NRG1: variants seen among roughly 807,000 people sequenced by gnomAD.
NRG1 encodes pro-neuregulin-1, membrane-bound isoform.
In NRG1, 18 loss-of-function variants were observed where a neutral mutation model predicts 63.8. The ratio of observed to expected loss-of-function variants is 0.28; its 90% CI spans 0.19 to 0.42. NRG1 has a LOEUF of 0.42. Ranked by LOEUF, NRG1 falls within the 10% of genes least tolerant of loss-of-function variation. The pLI, the probability that NRG1 is intolerant of heterozygous loss-of-function variation, is 1.00. For missense variants in NRG1, 762 were observed against 814.7 expected (o/e 0.94, Z 0.79); for synonymous variants, 302 against 301.3 (o/e 1.00, Z -0.02).
At chr8:31,730,037 A>G (rs1246081095) in intron 1 of NRG1, among the ~76,000 whole-genome samples, 6 of 152,136 alleles carry the variant, frequency 3.9e-5, no homozygotes, top group Admixed American at 2.6e-4. Flanking sequence ...ATGCCCCTTA[A>G]GTAGTTAGAT....
chr8:32,481,070 G>T (rs1476740243), intron 1 of NRG1, among the ~76,000 whole-genome samples: 1 of 152,132 alleles, frequency 6.6e-6, no homozygotes, highest in Non-Finnish European at 1.5e-5. Context: ...TAGGCCAGGC[G>T]CAGTGGCTGA....
intron 1 of NRG1, among the ~76,000 whole-genome samples, chr8:32,574,419 T>G (rs1273089944): frequency 6.6e-6 from 1 of 152,104 alleles, no homozygotes; most frequent in Non-Finnish European, 1.5e-5. Context: ...GTGGTATAGT[T>G]TGTATATTTT....
intron 5 of NRG1, among the ~76,000 whole-genome samples, chr8:32,671,086 T>A (rs984048836): frequency 4.6e-5 from 7 of 151,770 alleles, no homozygotes; most frequent in African/African-American, 1.7e-4. Flanking sequence ...ATTATTATTC[T>A]TTTTCTCAAG....
rs1805994564 is a variant in NRG1 at position 31,964,493 on chromosome 8, C to T, written c.37+325062C>T. ...TAGACCAGCCTGGTGAGACCTTTAT[C>T]TCTACAAAAATAAAATTAAAAACTA... On this transcript the variant is annotated intron_variant, in intron 1 of 10. Transcript: ENST00000519301. 3.3e-5 allele frequency among the ~76,000 whole-genome samples: 5 copies of T among 152,224 alleles called. No homozygotes were observed. The South Asian group carries it at 1.0e-3, about 32-fold the overall frequency.
chr8:31,683,276 A>G (rs1476817535), intron 1 of NRG1, among the ~76,000 whole-genome samples: 2 of 152,164 alleles, frequency 1.3e-5, no homozygotes, highest in African/African-American at 2.4e-5. Context: ...GATTGTCAAA[A>G]CTTGGATGCA....
At chr8:32,604,414 T>C (rs1844906246) in intron 2 of NRG1, among the ~76,000 whole-genome samples, 1 of 152,110 alleles carries the variant, frequency 6.6e-6, no homozygotes, top group Admixed American at 6.6e-5. Context: ...GACCAGAAAA[T>C]TCACCAGAAA....
chr8:32,356,474 A>ACCCCCCCCCCCCCCCCCCGGCC (rs11426642), intron 1 of NRG1, among the ~76,000 whole-genome samples: 8 of 69,324 alleles, frequency 1.2e-4, no homozygotes, highest in African/African-American at 2.3e-4. Context: ...CCTTGTTGGG[A>ACCCCCCCCCCCCCCCCCCGGCC]CCCCCCCCCC....
intron 1 of NRG1, among the ~76,000 whole-genome samples, chr8:32,314,367 A>G (rs926299145): frequency 6.6e-6 from 1 of 152,194 alleles, no homozygotes; most frequent in South Asian, 2.1e-4. Flanking sequence ...TTTTACAGCT[A>G]GAAAAGTCTA....
intron 1 of NRG1, among the ~76,000 whole-genome samples, chr8:31,774,930 A>C (rs1025417579): frequency 3.9e-5 from 6 of 152,150 alleles, no homozygotes; most frequent in Admixed American, 1.3e-4. Flanking sequence ...CACACACACA[A>C]AAAAACCCAA....
chr8:32,492,175 A>G (rs1439111736), intron 1 of NRG1, among the ~76,000 whole-genome samples: 2 of 152,138 alleles, frequency 1.3e-5, no homozygotes, highest in Admixed American at 6.5e-5. Context: ...GATTGTGTCT[A>G]TTATTCATCA....
At chr8:32,085,011 T>C (rs1388951786) in intron 1 of NRG1, among the ~76,000 whole-genome samples, 5 of 152,190 alleles carry the variant, frequency 3.3e-5, no homozygotes, top group Non-Finnish European at 5.9e-5. Context: ...CCAGTGACCT[T>C]TAGCACAACA....
At chr8:32,131,911 T>A (rs1015447546) in intron 1 of NRG1, among the ~76,000 whole-genome samples, 3 of 152,168 alleles carry the variant, frequency 2.0e-5, no homozygotes, top group African/African-American at 7.2e-5. Context: ...ATTCCTGGAT[T>A]TTTTTCCCTA....
At chr8:32,555,560 C>T (rs939120740) in intron 1 of NRG1, among the ~76,000 whole-genome samples, 2 of 152,202 alleles carry the variant, frequency 1.3e-5, no homozygotes, top group African/African-American at 4.8e-5. Flanking sequence ...CAAGCTCCGC[C>T]TCCCGGGTTC....
At chr8:32,757,584 A>G (rs1829914218) in intron 9 of NRG1, among the ~76,000 whole-genome samples, 1 of 152,170 alleles carries the variant, frequency 6.6e-6, no homozygotes, top group African/African-American at 2.4e-5. Context: ...TTCACCCTCT[A>G]ACAGTGTTCA....
intron 1 of NRG1, among the ~76,000 whole-genome samples, chr8:32,378,587 T>C (rs955457960): frequency 2.6e-5 from 4 of 152,214 alleles, no homozygotes; most frequent in African/African-American, 9.7e-5. Flanking sequence ...AGTACTTAAG[T>C]GCAAATTTTG....
chr8:31,869,951 C>T (rs1215062079), intron 1 of NRG1, among the ~76,000 whole-genome samples: 2 of 152,070 alleles, frequency 1.3e-5, no homozygotes, highest in Non-Finnish European at 2.9e-5. Flanking sequence ...TTTCTAAAAG[C>T]AGCAATACAA....
intron 5 of NRG1, among the ~76,000 whole-genome samples, chr8:32,691,342 G>A (rs1491000747): frequency 1.3e-5 from 2 of 152,156 alleles, no homozygotes; most frequent in African/African-American, 2.4e-5. Context: ...AACAGTGCCA[G>A]ACTCCGTCTC....
rs573034972 is a variant in NRG1, at chr8:32,405,965, G to A, written c.38-189863G>A. ...CATTGACAAGTGTTACAAAAAAGAC[G>A]CATAGAAAATAAAATATTTTAGGTA... On this transcript the variant is annotated intron_variant, in intron 1 of 10. Coordinates refer to the NRG1 transcript ENST00000519301. Among the ~76,000 whole-genome samples the A allele has an allele frequency of 4.6e-5, 7 of 152,224 alleles. No individual in the cohort carries two copies. In the South Asian group the frequency reaches 6.2e-4, roughly 14 times the overall value.
chr8:32,674,458 G>A (rs1003289598), intron 5 of NRG1, among the ~76,000 whole-genome samples: 1 of 152,092 alleles, frequency 6.6e-6, no homozygotes, highest in Non-Finnish European at 1.5e-5. Context: ...TGAGAGCAAT[G>A]ATTGTAAATG....
Sources: allele counts gnomAD v4.1 joint callset (sites outside exome capture counted in the v4.1 genomes callset), GRCh38; gene constraint gnomAD v4.1.1; transcripts MANE v1.5; gene names NCBI Gene and HGNC (gene_info 2026-07-23, HGNC 2026-07-21).